The following C7orf57 variants were observed in gnomAD, a reference collection of about 807,000 sequenced individuals.
The protein encoded by C7orf57 is uncharacterized protein C7orf57.
C7orf57 carries 33 observed loss-of-function variants against 39.0 expected under a neutral mutation model. The observed-to-expected ratio is 0.85, with a 90% CI of 0.64 to 1.13. C7orf57 has a LOEUF of 1.13. Among genes scored for constraint, C7orf57 ranks in the 50% most tolerant of loss-of-function variants. The pLI, the probability that C7orf57 is intolerant of heterozygous loss-of-function variation, is 0.00. For synonymous variants in C7orf57, 124 were observed against 137.1 expected, an observed-to-expected ratio of 0.90 and a Z score of 0.67; for missense variants, 346 against 362.3, an observed-to-expected ratio of 0.95 and a Z score of 0.37.
At chr7:48,046,714 T>C (rs1288288597) in intron 5 of C7orf57, 98 bp downstream of exon 5, 11 of 1,357,652 alleles carry the variant, frequency 8.1e-6, no homozygotes, top group Non-Finnish European at 1.1e-5. Flanking sequence ...TGGCGTCTTA[T>C]GTTGCTCGTG....
intron 8 of C7orf57, among the ~76,000 whole-genome samples, chr7:48,056,009 G>A (rs1352360851): frequency 6.6e-6 from 1 of 152,106 alleles, no homozygotes. Context: ...TATCATACGA[G>A]AATTCGATTT....
intron 6 of C7orf57, among the ~76,000 whole-genome samples, chr7:48,051,952 CT>C (rs201842876): frequency 0.15 from 16,720 of 109,094 alleles, 1,937 homozygotes; most frequent in African/African-American, 0.33. Context: ...TTTTTTCTTT[CT>C]TTTTTTTTTC....
rs35256733 is a variant in C7orf57 at position 48,054,412 on chromosome 7, C to CAAA, written c.830-164_830-162dup. 2.9e-3 allele frequency among the ~76,000 whole-genome samples: 254 copies of CAAA among 86,384 alleles called. 1 individual carries two copies. Among genetic ancestry groups the CAAA allele is most frequent in the African/African-American group, 0.01 (226 of 22,552 alleles). The allele number at this position is 86,384 out of a possible 152,430, so 56.7% of individuals were successfully genotyped here. On this transcript the variant is annotated intron_variant, in intron 7 of 8. Transcript: ENST00000348904. ...CTGGGCAACAAGAGGGAAACTCTCT[C>CAAA]AAAAAAAAAAAAAAAAAAAAAGGTT...
At chr7:48,051,149 T>C (rs2686790) in intron 6 of C7orf57, among the ~76,000 whole-genome samples, 110,261 of 151,942 alleles carry the variant, frequency 0.73, 42,290 homozygotes, top group Middle Eastern at 0.86. Flanking sequence ...CAGATAATCA[T>C]TGATAAGGAC....
chr7:48,048,541 C>T lies in C7orf57; in HGVS notation c.508-1339C>T, dbSNP rs549495678. On this transcript the variant is annotated intron_variant, in intron 5 of 8. Transcript: ENST00000348904. ...ATACCTCCGTGGATTTTGTTTGCTTCGTTTTGTTTTTTCCCGTTTTCCCAT... is the reference window on the plus strand; with the variant it reads ...ATACCTCCGTGGATTTTGTTTGCTTTGTTTTGTTTTTTCCCGTTTTCCCAT... 5.9e-5 allele frequency among the ~76,000 whole-genome samples: 9 copies of T among 152,214 alleles called. No individual in the cohort carries two copies. In the South Asian group the frequency reaches 1.7e-3, roughly 28 times the overall value.
chr7:48,036,149 G>A lies in C7orf57; in HGVS notation c.-101-59G>A. ...AGGCGATCGTAAGGCGCCTGCAGGCGTGTCAGGGCGAGGCGTACAGACCGA... is the reference window on the plus strand; with the variant it reads ...AGGCGATCGTAAGGCGCCTGCAGGCATGTCAGGGCGAGGCGTACAGACCGA... On this transcript the variant is annotated intron_variant, in intron 1 of 8. Transcript: ENST00000348904. 7 of 716,036 alleles carry A rather than the reference G, an allele frequency of 9.8e-6. No homozygotes were observed. The South Asian group carries it at 1.1e-4, about 11-fold the overall frequency. 44.4% of individuals were successfully genotyped at this position (716,036 alleles called of 1,614,324 possible).
intron 3 of C7orf57, among the ~76,000 whole-genome samples, chr7:48,042,553 A>G (rs943024311): frequency 5.9e-5 from 9 of 152,172 alleles, no homozygotes; most frequent in Non-Finnish European, 1.3e-4. Flanking sequence ...GGACAGACAA[A>G]GAGAGAAAAC....
chr7:48,051,838 TC>T lies in C7orf57; in HGVS notation c.606-861del, dbSNP rs1790935768. 1.2e-4 allele frequency among the ~76,000 whole-genome samples: 9 copies of T among 72,480 alleles called. 1 individual carries two copies. The East Asian group carries it at 1.7e-3, about 14-fold the overall frequency. The allele number at this position is 72,480 out of a possible 152,430, so 47.5% of individuals were successfully genotyped here. On this transcript the variant is annotated intron_variant, in intron 6 of 8. Transcript: ENST00000348904. ...TCTTCTCTTTCTTTCTTTCTTTCTTTCTTTCTTTCTTTCTTTCTTTCTTTCT... is the reference window on the plus strand; with the variant it reads ...TCTTCTCTTTCTTTCTTTCTTTCTTTTTTCTTTCTTTCTTTCTTTCTTTCT...
At chr7:48,037,233 T>C (rs1790401737) in intron 2 of C7orf57, among the ~76,000 whole-genome samples, 1 of 152,192 alleles carries the variant, frequency 6.6e-6, no homozygotes, top group Admixed American at 6.5e-5. Flanking sequence ...GGAGCCTTTA[T>C]GTGACTTCTG....
At chr7:48,042,651 C>T (rs1292549564) in intron 3 of C7orf57, among the ~76,000 whole-genome samples, 2 of 150,598 alleles carry the variant, frequency 1.3e-5, no homozygotes, top group Non-Finnish European at 3.0e-5. Flanking sequence ...TTCTGTAAGT[C>T]TGAAACATTT....
chr7:48,040,770 C>T (rs2128790903), intron 2 of C7orf57, among the ~76,000 whole-genome samples: 1 of 152,226 alleles, frequency 6.6e-6, no homozygotes, highest in Middle Eastern at 3.4e-3. Context: ...TTGACCACTC[C>T]CCAGTCCTAC....
At chr7:48,036,060 C>T in intron 1 of C7orf57, 148 bp from the exon 2 acceptor site, 2 of 601,016 alleles carry the variant, frequency 3.3e-6, no homozygotes, top group Non-Finnish European at 5.9e-6. Flanking sequence ...GTGATGTGCT[C>T]CCTTCTGTTT....
At chr7:48,054,222 C>T (rs1030743832) in intron 7 of C7orf57, among the ~76,000 whole-genome samples, 1 of 152,146 alleles carries the variant, frequency 6.6e-6, no homozygotes, top group African/African-American at 2.4e-5. Context: ...CGAGACCAGC[C>T]TGACCAACAT....
intron 8 of C7orf57, among the ~76,000 whole-genome samples, chr7:48,059,392 C>G (rs551759059): frequency 3.3e-5 from 5 of 152,110 alleles, no homozygotes; most frequent in African/African-American, 4.8e-5. Flanking sequence ...GCTCTGTTGC[C>G]GGGCCTGGAG....
At chr7:48,040,183 G>T (rs2128790633) in intron 2 of C7orf57, among the ~76,000 whole-genome samples, 1 of 152,262 alleles carries the variant, frequency 6.6e-6, no homozygotes, top group South Asian at 2.1e-4. Flanking sequence ...GCCTGTCCTG[G>T]ATACCCTCAG....
chr7:48,060,319 T>A lies in C7orf57; in HGVS notation c.*47T>A, dbSNP rs1791256120. The stretch of plus-strand genomic sequence containing the variant: ...AGGATAATTTTTAAATGGCTAAATA[T>A]GACATGACTGTATTATAGCTATATT... On this transcript the variant is annotated 3_prime_UTR_variant, in exon 9 of 9. Transcript: ENST00000348904. 1 of 1,197,548 alleles carries A rather than the reference T, an allele frequency of 8.4e-7. No individual in the cohort carries two copies. The allele number at this position is 1,197,548 out of a possible 1,614,324, so 74.2% of individuals were successfully genotyped here.
chr7:48,058,500 A>C (rs1348061461), intron 8 of C7orf57, among the ~76,000 whole-genome samples: 3 of 152,038 alleles, frequency 2.0e-5, no homozygotes, highest in Admixed American at 1.3e-4. Context: ...ATAATCCTTC[A>C]CAGTTGTCCT....
chr7:48,036,255 C>G lies in C7orf57; in HGVS notation c.-54C>G, dbSNP rs769014737. ...AAGCAGGCAGCGTCCAGCGCACCCG[C>G]GAACACCAGGTCCGGCAGCATCTGT... On this transcript the variant is annotated 5_prime_UTR_variant, in exon 2 of 9. Coordinates refer to ENST00000348904, the MANE Select transcript of C7orf57 (RefSeq NM_001100159.3). 6.5e-7 allele frequency: 1 copy of G among 1,543,876 alleles called. No individual in the cohort carries two copies. The highest frequency in any genetic ancestry group is 1.7e-4 in the Middle Eastern group (1 of 5,986).
At chr7:48,056,502 C>A (rs563264000) in intron 8 of C7orf57, among the ~76,000 whole-genome samples, 1 of 151,792 alleles carries the variant, frequency 6.6e-6, no homozygotes, top group East Asian at 1.9e-4. Context: ...GTGTTCTGTC[C>A]AAAAAATCAT....
Sources: allele counts gnomAD v4.1 joint callset (sites outside exome capture counted in the v4.1 genomes callset), GRCh38; gene constraint gnomAD v4.1.1; transcripts MANE v1.5; gene names NCBI Gene and HGNC (gene_info 2026-07-23, HGNC 2026-07-21).